The following PPP3CA variants were observed in gnomAD, a reference collection of about 807,000 sequenced individuals.
PPP3CA encodes protein phosphatase 3 catalytic subunit alpha.
In PPP3CA, 14 loss-of-function variants were observed where a neutral mutation model predicts 66.5. That is an observed-to-expected ratio of 0.21 (90% confidence interval 0.14 to 0.33). PPP3CA has a LOEUF of 0.33. PPP3CA is among the 10% of genes least tolerant of loss of function. The pLI, the probability that PPP3CA is intolerant of heterozygous loss-of-function variation, is 1.00. For missense variants in PPP3CA, 317 were observed against 639.5 expected (o/e 0.50, Z 5.44); for synonymous variants, 232 against 226.2 (o/e 1.03, Z -0.23).
At chr4:101,129,805 A>T (rs1280581890) in intron 2 of PPP3CA, among the ~76,000 whole-genome samples, 1 of 152,170 alleles carries the variant, frequency 6.6e-6, no homozygotes, top group Non-Finnish European at 1.5e-5. Context: ...CAGTGCAAAA[A>T]GGCTGAAAAT....
chr4:101,106,421 GA>G (rs1221321298), intron 3 of PPP3CA, among the ~76,000 whole-genome samples: 3 of 10,184 alleles, frequency 2.9e-4, no homozygotes, highest in Non-Finnish European at 6.4e-4. Flanking sequence ...AAGAAAGAAA[GA>G]AAGAAAGAAA....
chr4:101,255,507 A>G lies in PPP3CA; in HGVS notation c.59-59391T>C, dbSNP rs146611897. On this transcript the variant is annotated intron_variant, in intron 1 of 13. Transcript: ENST00000394854. Reference sequence around the variant, plus strand: ...ATGTGCACTAGAAGGGCAACAACAGAGATAGAAATCAAACTAAGATACAGA... The same window carrying G: ...ATGTGCACTAGAAGGGCAACAACAGGGATAGAAATCAAACTAAGATACAGA... 8.2e-3 allele frequency among the ~76,000 whole-genome samples: 1,248 copies of G among 152,016 alleles called. 11 individuals are homozygous for G. Among genetic ancestry groups the G allele is most frequent in the Middle Eastern group, 0.02 (6 of 294 alleles).
chr4:101,310,629 C>A (rs575026201), intron 1 of PPP3CA, among the ~76,000 whole-genome samples: 2 of 152,060 alleles, frequency 1.3e-5, no homozygotes, highest in Non-Finnish European at 2.9e-5. Flanking sequence ...GCCATGATCA[C>A]GCCACTGCAC....
intron 1 of PPP3CA, among the ~76,000 whole-genome samples, chr4:101,312,583 ATTTT>A (rs1431854934): frequency 3.9e-5 from 6 of 152,142 alleles, no homozygotes; most frequent in African/African-American, 1.4e-4. Context: ...ATGGCCGTTC[ATTTT>A]TCAAATGTTC....
chr4:101,188,667 A>C (rs917115591), intron 2 of PPP3CA, among the ~76,000 whole-genome samples: 57 of 152,228 alleles, frequency 3.7e-4, no homozygotes. Context: ...GCTCTTTTGA[A>C]GGCTTTTCCC....
chr4:101,224,743 G>A (rs1299538339), intron 1 of PPP3CA, among the ~76,000 whole-genome samples: 1 of 151,782 alleles, frequency 6.6e-6, no homozygotes, highest in African/African-American at 2.4e-5. Context: ...TGGTGCAGAA[G>A]AACTGGCCAA....
rs187150008 is a variant in PPP3CA at position 101,086,105 on chromosome 4, T to A, written c.783-2842A>T. Among the ~76,000 whole-genome samples, 7 of 152,206 alleles carry A rather than the reference T, an allele frequency of 4.6e-5. No individual in the cohort carries two copies. The East Asian group carries it at 1.4e-3, about 29-fold the overall frequency. On this transcript the variant is annotated intron_variant, in intron 6 of 13. Transcript: ENST00000394854. ...CATAAAGCATTATAAAAAATATTTT[T>A]AAAAAATTACTATATTATAAAACAC...
At chr4:101,226,984 A>T (rs1198376084) in intron 1 of PPP3CA, among the ~76,000 whole-genome samples, 1 of 151,780 alleles carries the variant, frequency 6.6e-6, no homozygotes, top group Non-Finnish European at 1.5e-5. Context: ...ACAAATGTTT[A>T]TAGTTCTTTT....
At chr4:101,128,953 A>T (rs1252457184) in intron 2 of PPP3CA, among the ~76,000 whole-genome samples, 1 of 152,142 alleles carries the variant, frequency 6.6e-6, no homozygotes, top group Non-Finnish European at 1.5e-5. Flanking sequence ...GGTCTTGCTC[A>T]GCAGATCCCA....
At chr4:101,137,982 G>C in intron 2 of PPP3CA, among the ~76,000 whole-genome samples, 1 of 151,900 alleles carries the variant, frequency 6.6e-6, no homozygotes, top group East Asian at 1.9e-4. Context: ...TATAAAACAG[G>C]TCACTAACAA....
intron 11 of PPP3CA, among the ~76,000 whole-genome samples, chr4:101,033,293 AACACACACACACACACACACACACAC>A (rs70961772): frequency 1.1e-4 from 16 of 139,270 alleles, no homozygotes; most frequent in Non-Finnish European, 2.4e-4. Flanking sequence ...CACACACACA[AACACACACACACACACACACACACAC>A]ACACACACAC....
chr4:101,240,426 T>C lies in PPP3CA; in HGVS notation c.59-44310A>G, dbSNP rs1409287706. Among the ~76,000 whole-genome samples, 3 of 152,054 alleles carry C rather than the reference T, an allele frequency of 2.0e-5. No homozygotes were observed. In the East Asian group the frequency reaches 5.8e-4, roughly 30 times the overall value. ...TGAGTGAGCTGCTAGAGTAATCAAT[T>C]CATTCAGGTATATTAGAGAAACCCA... On this transcript the variant is annotated intron_variant, in intron 1 of 13. Transcript: ENST00000394854.
chr4:101,161,560 T>C (rs1723508419), intron 2 of PPP3CA, among the ~76,000 whole-genome samples: 2 of 152,150 alleles, frequency 1.3e-5, no homozygotes, highest in African/African-American at 2.4e-5. Context: ...TCATTAGCTC[T>C]AGAAGACTGG....
At chr4:101,102,207 T>C in intron 3 of PPP3CA, among the ~76,000 whole-genome samples, 1 of 150,530 alleles carries the variant, frequency 6.6e-6, no homozygotes, top group Non-Finnish European at 1.5e-5. Context: ...TAGTTCCTTT[T>C]CTGTAAATGA....
At chr4:101,124,748 AAAGAAAGAAAG>A (rs1722179510) in intron 2 of PPP3CA, among the ~76,000 whole-genome samples, 1 of 117,818 alleles carries the variant, frequency 8.5e-6, no homozygotes, top group Non-Finnish European at 1.7e-5. Context: ...AGAAAGAAAG[AAAGAAAGAAAG>A]AAAGAAAGAA....
chr4:101,025,777 T>G lies in PPP3CA; in HGVS notation c.*88A>C. On this transcript the variant is annotated 3_prime_UTR_variant, in exon 14 of 14. Transcript: ENST00000394854. ...TAAGCTACTGTCAGAGGCAAGAACATCCAACTGCTGATATGCAGCAATCCC... is the reference window on the plus strand; with the variant it reads ...TAAGCTACTGTCAGAGGCAAGAACAGCCAACTGCTGATATGCAGCAATCCC... The G allele has an allele frequency of 9.1e-7, 1 of 1,104,284 alleles. No homozygotes were observed. The highest frequency in any genetic ancestry group is 1.2e-6 in the Non-Finnish European group (1 of 812,134). The allele number at this position is 1,104,284 out of a possible 1,614,324, so 68.4% of individuals were successfully genotyped here. A position where few individuals can be genotyped will look rare whatever the true frequency, so the allele number is the denominator to read the frequency against.
intron 1 of PPP3CA, among the ~76,000 whole-genome samples, chr4:101,271,467 A>G (rs1007188840): frequency 2.6e-5 from 4 of 152,170 alleles, no homozygotes; most frequent in African/African-American, 9.7e-5. Context: ...GAGAAAGTAA[A>G]CATAAACTTA....
intron 8 of PPP3CA, among the ~76,000 whole-genome samples, chr4:101,070,687 T>C (rs1260092425): frequency 1.3e-5 from 2 of 152,198 alleles, no homozygotes; most frequent in African/African-American, 2.4e-5. Context: ...GAGAAATGTA[T>C]TATAAGTCTG....
intron 2 of PPP3CA, among the ~76,000 whole-genome samples, chr4:101,117,991 C>T (rs1721897745): frequency 6.6e-6 from 1 of 151,956 alleles, no homozygotes; most frequent in South Asian, 2.1e-4. Context: ...TTTAGAAATA[C>T]TCATCTCAGG....
Sources: gnomAD v4.1 joint callset for allele counts (sites outside exome capture counted in the v4.1 genomes callset) on GRCh38, gnomAD v4.1.1 for gene constraint, MANE v1.5 for transcripts, NCBI Gene and HGNC (gene_info 2026-07-23, HGNC 2026-07-21) for gene names.